KIRREL3: variants seen among roughly 807,000 people sequenced by gnomAD.
The protein encoded by KIRREL3 is kin of IRRE-like protein 3.
KIRREL3 carries 36 observed loss-of-function variants against 89.7 expected under a neutral mutation model. That is an observed-to-expected ratio of 0.40 (90% CI 0.31 to 0.53). KIRREL3 has a LOEUF of 0.53. Among genes scored for constraint, KIRREL3 ranks in the 20% least tolerant of loss-of-function variants. KIRREL3 has a pLI of 0.49. For missense variants in KIRREL3, 864 were observed against 1,056.6 expected (o/e 0.82, Z 2.53); for synonymous variants, 445 against 441.4 (o/e 1.01, Z -0.10).
At chr11:126,932,586 C>T (rs1947997379) in intron 1 of KIRREL3, among the ~76,000 whole-genome samples, 1 of 152,150 alleles carries the variant, frequency 6.6e-6, no homozygotes, top group Non-Finnish European at 1.5e-5. Context: ...AGCAGCAGGT[C>T]CCTGTCTTGG....
chr11:126,478,596 T>C (rs928408599), intron 4 of KIRREL3, among the ~76,000 whole-genome samples: 1 of 151,040 alleles, frequency 6.6e-6, no homozygotes, highest in Non-Finnish European at 1.5e-5. Flanking sequence ...TGTATGTGTA[T>C]ATGTATATGC....
intron 1 of KIRREL3, among the ~76,000 whole-genome samples, chr11:126,751,672 A>C (rs571267162): frequency 9.3e-4 from 142 of 152,264 alleles, no homozygotes; most frequent in African/African-American, 3.3e-3. Flanking sequence ...TTGAGGAAAA[A>C]AAAAAAGAAA....
rs536721086 is a variant in KIRREL3 at position 126,886,181 on chromosome 11, T to C, written c.55+114274A>G. On this transcript the variant is annotated intron_variant, in intron 1 of 16. Coordinates refer to ENST00000525144, the MANE Select transcript of KIRREL3 (RefSeq NM_032531.4). ...ACAGATGGTGCTGCAAACCCAGCTC[T>C]GAGGATGCAAAGGGTGCAGAAATGT... Among the ~76,000 whole-genome samples the C allele has an allele frequency of 7.9e-5, 12 of 152,324 alleles. No individual in the cohort carries two copies. In the South Asian group the frequency reaches 2.5e-3, roughly 32 times the overall value.
rs1946663897 is a variant in KIRREL3 at position 126,686,313 on chromosome 11, T to C, written c.56-123401A>G. 6.6e-6 allele frequency among the ~76,000 whole-genome samples: 1 copy of C among 152,230 alleles called. No homozygotes were observed. Among genetic ancestry groups the C allele is most frequent in the Non-Finnish European group, 1.5e-5 (1 of 68,040 alleles). On this transcript the variant is annotated intron_variant, in intron 1 of 16. Transcript: ENST00000525144. This position sits in a 1 kb window ranked among gnomAD's most constrained non-coding sequence, Gnocchi z 4.7. ...CTTTTTATGGAGGTTAGCATTCTTT[T>C]GTTAGTCCACTCACATATTTTCACT...
At chr11:126,499,107 G>A (rs540749203) in intron 4 of KIRREL3, among the ~76,000 whole-genome samples, 2 of 143,246 alleles carry the variant, frequency 1.4e-5, no homozygotes, top group Non-Finnish European at 3.0e-5. Flanking sequence ...AGCCGAGATT[G>A]TGCCACTGCA....
At position 126,796,956 on chromosome 11, in the gene KIRREL3, G is replaced by C. The variant is rs1950831487; in HGVS notation, c.55+203499C>G. 6.6e-6 allele frequency among the ~76,000 whole-genome samples: 1 copy of C among 152,216 alleles called. No homozygotes were observed. The highest frequency in any genetic ancestry group is 6.5e-5 in the Admixed American group (1 of 15,286). ...TGTGAGCTAGCACAGAGCAGGAAGT[G>C]GGGAAGGGACCAGGGAGAATGTTTC... On this transcript the variant is annotated intron_variant, in intron 1 of 16. Transcript: ENST00000525144. This position sits in a 1 kb window ranked among gnomAD's most constrained non-coding sequence, Gnocchi z 5.1.
Position 126,943,625 on chromosome 11 carries a change from G to A in KIRREL3, c.55+56830C>T, listed in dbSNP as rs1211837840. Among the ~76,000 whole-genome samples, 4 of 152,188 alleles carry A rather than the reference G, an allele frequency of 2.6e-5. No individual in the cohort carries two copies. Among genetic ancestry groups the A allele is most frequent in the South Asian group, 2.1e-4 (1 of 4,828 alleles). ...ACATCTCAGAGCATAAGTGCCATCCGGGGTAGAAGGCAGGGAAAGGGCATG... is the reference window on the plus strand; with the variant it reads ...ACATCTCAGAGCATAAGTGCCATCCAGGGTAGAAGGCAGGGAAAGGGCATG... On this transcript the variant is annotated intron_variant, in intron 1 of 16. Coordinates refer to ENST00000525144, the MANE Select transcript of KIRREL3 (RefSeq NM_032531.4). This position sits in a 1 kb window ranked among gnomAD's most constrained non-coding sequence, Gnocchi z 4.2.
At chr11:126,913,253 C>T (rs1172076700) in intron 1 of KIRREL3, among the ~76,000 whole-genome samples, 1 of 152,202 alleles carries the variant, frequency 6.6e-6, no homozygotes, top group Non-Finnish European at 1.5e-5. Context: ...AAATCCATTT[C>T]ATTTCTCTTC....
At position 126,943,868 on chromosome 11, in the gene KIRREL3, T is replaced by C. The variant is rs1054874854; in HGVS notation, c.55+56587A>G. On this transcript the variant is annotated intron_variant, in intron 1 of 16. Transcript: ENST00000525144. This position sits in a 1 kb window ranked among gnomAD's most constrained non-coding sequence, Gnocchi z 4.2. The stretch of plus-strand genomic sequence containing the variant: ...AGGAGGTGAGGGGGACATAGTATCA[T>C]TCGGTTTGGTCTAGGTGGAGACTTC... Among the ~76,000 whole-genome samples, 4 of 152,188 alleles carry C rather than the reference T, an allele frequency of 2.6e-5. No individual in the cohort carries two copies. The highest frequency in any genetic ancestry group is 7.2e-5 in the African/African-American group (3 of 41,444).
chr11:126,727,243 C>T lies in KIRREL3; in HGVS notation c.56-164331G>A, dbSNP rs1337455104. On this transcript the variant is annotated intron_variant, in intron 1 of 16. Coordinates refer to ENST00000525144, the MANE Select transcript of KIRREL3 (RefSeq NM_032531.4). ...TGTGGCTATTCCCCTTGGAGGCCGGCTGGCCACTCTCCCTGCACAGAGCAG... is the reference window on the plus strand; with the variant it reads ...TGTGGCTATTCCCCTTGGAGGCCGGTTGGCCACTCTCCCTGCACAGAGCAG... Among the ~76,000 whole-genome samples, 6 of 152,352 alleles carry T rather than the reference C, an allele frequency of 3.9e-5. No homozygotes were observed. The East Asian group carries it at 1.2e-3, about 29-fold the overall frequency.
chr11:126,746,680 T>C (rs1429220298), intron 1 of KIRREL3, among the ~76,000 whole-genome samples: 1 of 152,148 alleles, frequency 6.6e-6, no homozygotes, highest in Non-Finnish European at 1.5e-5. Flanking sequence ...TGATCAGGTG[T>C]ATCTCTATGA....
Position 126,429,509 on chromosome 11 carries a change from C to T in KIRREL3, c.1697-221G>A, listed in dbSNP as rs1399754103. Among the ~76,000 whole-genome samples the T allele has an allele frequency of 2.0e-5, 3 of 152,216 alleles. No individual in the cohort carries two copies. Among genetic ancestry groups the T allele is most frequent in the Non-Finnish European group, 2.9e-5 (2 of 68,038 alleles). On this transcript the variant is annotated intron_variant, in intron 14 of 16. Coordinates refer to ENST00000525144, the MANE Select transcript of KIRREL3 (RefSeq NM_032531.4). The surrounding 1 kb of genome is among the most constrained non-coding windows in gnomAD (Gnocchi z 5.2). ...GGCTGACCCCATGGCCGGCCTGCCT[C>T]CTGTCACATGCCCCTCAGCCATGCA... is the stretch of plus-strand genomic sequence containing the variant.
rs1944382912 is a variant in KIRREL3 at position 126,639,334 on chromosome 11, T to C, written c.56-76422A>G. On this transcript the variant is annotated intron_variant, in intron 1 of 16. Coordinates refer to ENST00000525144, the MANE Select transcript of KIRREL3 (RefSeq NM_032531.4). This position sits in a 1 kb window ranked among gnomAD's most constrained non-coding sequence, Gnocchi z 4.3. ...GCTATTTGTATTTCTGTTTGGATTTTTGGGTCCTTTTCTTTTTGTACCTCT... is the reference window on the plus strand; with the variant it reads ...GCTATTTGTATTTCTGTTTGGATTTCTGGGTCCTTTTCTTTTTGTACCTCT... Among the ~76,000 whole-genome samples, 2 of 152,244 alleles carry C rather than the reference T, an allele frequency of 1.3e-5. No homozygotes were observed. The highest frequency in any genetic ancestry group is 2.9e-5 in the Non-Finnish European group (2 of 68,042).
At chr11:126,745,459 AAAACAAACAAAC>A (rs67307715) in intron 1 of KIRREL3, among the ~76,000 whole-genome samples, 58 of 138,980 alleles carry the variant, frequency 4.2e-4, no homozygotes, top group Middle Eastern at 3.6e-3. Context: ...ATCAAGATGG[AAAACAAACAAAC>A]AAACAAACAA....
Position 126,709,710 on chromosome 11 carries a change from C to T in KIRREL3, c.56-146798G>A, listed in dbSNP as rs892524251. 6.6e-6 allele frequency among the ~76,000 whole-genome samples: 1 copy of T among 152,148 alleles called. No homozygotes were observed. Among genetic ancestry groups the T allele is most frequent in the African/African-American group, 2.4e-5 (1 of 41,420 alleles). ...AGCCAAGGGGAGGCCTCGGGAGAAA[C>T]CAACCCTGTAGACACCTCCATCTCA... is the stretch of plus-strand genomic sequence containing the variant. On this transcript the variant is annotated intron_variant, in intron 1 of 16. Transcript: ENST00000525144. The surrounding 1 kb of genome is among the most constrained non-coding windows in gnomAD (Gnocchi z 4.0).
intron 6 of KIRREL3, among the ~76,000 whole-genome samples, chr11:126,457,715 T>G (rs894009950): frequency 6.6e-6 from 1 of 151,962 alleles, no homozygotes; most frequent in African/African-American, 2.4e-5. Context: ...GCAGAGACTG[T>G]GAATCAGACA....
intron 1 of KIRREL3, among the ~76,000 whole-genome samples, chr11:126,661,078 A>G (rs1007381507): frequency 6.6e-6 from 1 of 152,210 alleles, no homozygotes; most frequent in African/African-American, 2.4e-5. Flanking sequence ...AAATACCCCA[A>G]ATAGATCTTA....
rs1950381148 is a variant in KIRREL3 at position 126,783,193 on chromosome 11, G to A, written c.55+217262C>T. 6.6e-6 allele frequency among the ~76,000 whole-genome samples: 1 copy of A among 152,144 alleles called. No homozygotes were observed. The highest frequency in any genetic ancestry group is 1.5e-5 in the Non-Finnish European group (1 of 68,030). ...GGAGGAGAGAATCCTTCCTTGCATT[G>A]TCCTGTTTTCTGGTGATTTTTGGTA... On this transcript the variant is annotated intron_variant, in intron 1 of 16. Coordinates refer to ENST00000525144, the MANE Select transcript of KIRREL3 (RefSeq NM_032531.4). The surrounding 1 kb of genome is among the most constrained non-coding windows in gnomAD (Gnocchi z 4.3).
Position 126,719,797 on chromosome 11 carries a change from A to G in KIRREL3, c.56-156885T>C, listed in dbSNP as rs1415285443. ...TCTGCTGCCCCCACCCTGGTCCAAG[A>G]CAGCATCACCTTGCATCTGTTGAGG... On this transcript the variant is annotated intron_variant, in intron 1 of 16. Transcript: ENST00000525144. This position sits in a 1 kb window ranked among gnomAD's most constrained non-coding sequence, Gnocchi z 4.7. Among the ~76,000 whole-genome samples the G allele has an allele frequency of 6.6e-6, 1 of 152,164 alleles. No homozygotes were observed. Among genetic ancestry groups the G allele is most frequent in the Admixed American group, 6.6e-5 (1 of 15,264 alleles).
Sources: gnomAD v4.1 joint callset for allele counts (sites outside exome capture counted in the v4.1 genomes callset) on GRCh38, gnomAD v4.1.1 for gene constraint, Gnocchi (gnomAD v3.1) non-coding constraint, MANE v1.5 for transcripts, NCBI Gene and HGNC (gene_info 2026-07-23, HGNC 2026-07-21) for gene names.